MFSD8: variants seen among roughly 807,000 people sequenced by gnomAD.
MFSD8 encodes major facilitator superfamily domain containing 8, also known as major facilitator superfamily domain-containing protein 8.
Under a neutral mutation model 66.4 loss-of-function variants are expected in MFSD8, and 55 were observed. That is an observed-to-expected ratio of 0.83 (90% CI 0.67 to 1.04). The LOEUF is 1.04. MFSD8 is among the 50% of genes least tolerant of loss of function. The pLI is 0.00. For missense variants in MFSD8, 550 were observed against 627.6 expected (o/e 0.88, Z 1.32); for synonymous variants, 202 against 212.8 (o/e 0.95, Z 0.44).
Position 127,937,783 on chromosome 4 carries a change from C to T in MFSD8, c.754+1000G>A, listed in dbSNP as rs183607769. On this transcript the variant is annotated intron_variant, in intron 7 of 11. Coordinates refer to ENST00000641686, the MANE Select transcript of MFSD8 (RefSeq NM_001371596.2). ...AGTTCAAAAACTTACTGTAGCTCCT[C>T]ACCACTCTGCTCTACTACATTTATC... Among the ~76,000 whole-genome samples, 11 of 152,290 alleles carry T rather than the reference C, an allele frequency of 7.2e-5. No homozygotes were observed. In the East Asian group the frequency reaches 2.1e-3, roughly 29 times the overall value.
At chr4:127,944,017 A>C (rs1246253149) in intron 3 of MFSD8, 25 bp from the exon 4 acceptor site, 2 of 1,613,910 alleles carry the variant, frequency 1.2e-6, no homozygotes, top group Non-Finnish European at 1.7e-6. Flanking sequence ...ACAGTGCTTT[A>C]AGAATTGTTA....
chr4:127,955,397 C>T (rs551553619), intron 2 of MFSD8, among the ~76,000 whole-genome samples: 32 of 151,842 alleles, frequency 2.1e-4, no homozygotes, highest in Admixed American at 1.1e-3. Flanking sequence ...AAAAATTAGC[C>T]GGGCATGGTG....
At chr4:127,922,063 T>A in intron 9 of MFSD8, 100 bp from the exon 10 acceptor site, 1 of 1,086,950 alleles carries the variant, frequency 9.2e-7, no homozygotes, top group South Asian at 1.4e-5. Context: ...TCTTGTACTT[T>A]TAGTGATATA....
intron 5 of MFSD8, among the ~76,000 whole-genome samples, chr4:127,940,575 T>A (rs1164638927): frequency 6.7e-6 from 1 of 148,756 alleles, no homozygotes; most frequent in Non-Finnish European, 1.5e-5. Flanking sequence ...CATTTGACCA[T>A]AGTATTATAT....
At position 127,922,660 on chromosome 4, in the gene MFSD8, T is replaced by C. The variant is rs112319183; in HGVS notation, c.999-697A>G. Among the ~76,000 whole-genome samples, 835 of 151,902 alleles carry C rather than the reference T, an allele frequency of 5.5e-3. 13 individuals are homozygous for C. Among genetic ancestry groups the C allele is most frequent in the African/African-American group, 0.019 (791 of 41,468 alleles). ...AAAAGTGTTATAATCTATGAATTCATAGTATATTAAAATAAAGTACTCTTT... is the reference window on the plus strand; with the variant it reads ...AAAAGTGTTATAATCTATGAATTCACAGTATATTAAAATAAAGTACTCTTT... On this transcript the variant is annotated intron_variant, in intron 9 of 11. Transcript: ENST00000641686.
At chr4:127,961,452 A>C (rs1369628738) in intron 1 of MFSD8, among the ~76,000 whole-genome samples, 1 of 152,100 alleles carries the variant, frequency 6.6e-6, no homozygotes, top group Non-Finnish European at 1.5e-5. Context: ...GTACCAGAAG[A>C]CCACATTTAA....
intron 2 of MFSD8, among the ~76,000 whole-genome samples, chr4:127,951,006 GC>G (rs1394142654): frequency 6.6e-6 from 1 of 151,298 alleles, no homozygotes; most frequent in Non-Finnish European, 1.5e-5. Flanking sequence ...GTTGTAGTGA[GC>G]CAAGATTGCA....
At chr4:127,950,493 C>T (rs180742357) in intron 2 of MFSD8, among the ~76,000 whole-genome samples, 208 of 152,094 alleles carry the variant, frequency 1.4e-3, no homozygotes, top group African/African-American at 4.7e-3. Context: ...AGTTTGAGAC[C>T]GGCCTGGCCA....
chr4:127,921,368 C>CCTA, intron 11 of MFSD8, 156 bp downstream of exon 11: 1 of 1,244,226 alleles, frequency 8.0e-7, no homozygotes, highest in East Asian at 2.5e-5. Flanking sequence ...CAAGAATGAA[C>CCTA]TTTATAGAAG....
At chr4:127,953,276 G>A (rs1030457980) in intron 2 of MFSD8, among the ~76,000 whole-genome samples, 6 of 151,686 alleles carry the variant, frequency 4.0e-5, no homozygotes, top group Non-Finnish European at 8.8e-5. Context: ...ATCACCTGAG[G>A]TCGGGAGTTC....
chr4:127,925,703 C>T (rs1375156603), intron 9 of MFSD8, among the ~76,000 whole-genome samples: 1 of 152,058 alleles, frequency 6.6e-6, no homozygotes, highest in Admixed American at 6.6e-5. Flanking sequence ...GATCTAGAAC[C>T]AGAAATACCA....
chr4:127,965,281 G>A, upstream of MFSD8: 1 of 1,000,682 alleles, frequency 1.0e-6, no homozygotes. Flanking sequence ...CGAGGTCATA[G>A]GCGGGGTCAC....
intron 8 of MFSD8, among the ~76,000 whole-genome samples, chr4:127,931,847 G>A (rs981958854): frequency 6.6e-6 from 1 of 152,120 alleles, no homozygotes; most frequent in Non-Finnish European, 1.5e-5. Flanking sequence ...GGAGGCTCAC[G>A]TCTGTAATCC....
chr4:127,921,398 T>G, intron 11 of MFSD8, 126 bp downstream of exon 11: 8 of 1,504,004 alleles, frequency 5.3e-6, no homozygotes, highest in Non-Finnish European at 6.4e-6. Context: ...TTTTAAAAAT[T>G]TTAAATGCTG....
In MFSD8 at chr4:127,952,066, G is replaced by T. The variant is rs970879846; in HGVS notation, c.155-2219C>A. 2.0e-5 allele frequency among the ~76,000 whole-genome samples: 3 copies of T among 151,836 alleles called. No individual in the cohort carries two copies. The East Asian group carries it at 5.8e-4, about 29-fold the overall frequency. On this transcript the variant is annotated intron_variant, in intron 2 of 11. Coordinates refer to ENST00000641686, the MANE Select transcript of MFSD8 (RefSeq NM_001371596.2). Reference sequence around the variant, plus strand: ...TTCAAGATTCATCCATGGTGTACATGTACATTCCTTATATAAACCCTATTT... The same window carrying T: ...TTCAAGATTCATCCATGGTGTACATTTACATTCCTTATATAAACCCTATTT...
chr4:127,957,720 C>T (rs1038700983), intron 1 of MFSD8, 128 bp from the exon 2 acceptor site: 6 of 664,910 alleles, frequency 9.0e-6, no homozygotes, highest in African/African-American at 3.6e-5. Context: ...ATTGATTCTG[C>T]TACACTAATT....
Position 127,924,053 on chromosome 4 carries a change from G to A in MFSD8, c.999-2090C>T, listed in dbSNP as rs1280239834. On this transcript the variant is annotated intron_variant, in intron 9 of 11. Coordinates refer to ENST00000641686, the MANE Select transcript of MFSD8 (RefSeq NM_001371596.2). ...CTACGGTTTGGCATAGTTACAGAAG[G>A]AATGGAGTTTCAGAAGGAATGGAAA... 5.9e-5 allele frequency among the ~76,000 whole-genome samples: 9 copies of A among 152,246 alleles called. No homozygotes were observed. In the East Asian group the frequency reaches 1.7e-3, roughly 29 times the overall value.
At chr4:127,961,820 CAAAA>C (rs4000711) in intron 1 of MFSD8, among the ~76,000 whole-genome samples, 2 of 80,564 alleles carry the variant, frequency 2.5e-5, no homozygotes, top group East Asian at 4.2e-4. Flanking sequence ...GACTCCGTCT[CAAAA>C]AAAAAAAAAA....
intron 9 of MFSD8, among the ~76,000 whole-genome samples, chr4:127,924,129 T>C (rs1256086264): frequency 6.6e-6 from 1 of 152,176 alleles, no homozygotes; most frequent in East Asian, 1.9e-4. Context: ...TCCTGGGCTT[T>C]TTTTGGTTGG....
Sources: allele counts gnomAD v4.1 joint callset (sites outside exome capture counted in the v4.1 genomes callset), GRCh38; gene constraint gnomAD v4.1.1; transcripts MANE v1.5; gene names NCBI Gene and HGNC (gene_info 2026-07-23, HGNC 2026-07-21).